HMCN2: variants seen among roughly 807,000 people sequenced by gnomAD.
HMCN2 encodes the protein hemicentin-2.
In HMCN2, 325 loss-of-function variants were observed where a neutral mutation model predicts 377.5. The observed-to-expected ratio is 0.86, with a 90% confidence interval of 0.79 to 0.94. The LOEUF is 0.94. Among genes scored for constraint, HMCN2 ranks in the 40% least tolerant of loss-of-function variants. The pLI, the probability that HMCN2 is intolerant of heterozygous loss-of-function variation, is 0.00. For missense variants in HMCN2, 4,543 were observed against 4,725.3 expected (o/e 0.96, Z 1.13); for synonymous variants, 2,007 against 2,046.8 (o/e 0.98, Z 0.53).
intron 93 of HMCN2, chr9:130,429,342 T>C (rs1844590903): frequency 1.6e-6 from 1 of 606,864 alleles, no homozygotes; most frequent in Non-Finnish European, 2.9e-6. Flanking sequence ...AAAGGGCCTT[T>C]CAGCCCCTTC....
At chr9:130,342,935 C>T (rs1251784133) in intron 25 of HMCN2, among the ~76,000 whole-genome samples, 1 of 152,126 alleles carries the variant, frequency 6.6e-6, no homozygotes, top group Non-Finnish European at 1.5e-5. Context: ...GGGTCAGCTG[C>T]CCAGCGCCGA....
chr9:130,382,663 T>G lies in HMCN2; in HGVS notation c.8546-16T>G. The G allele has an allele frequency of 7.3e-6, 2 of 272,988 alleles. No individual in the cohort carries two copies. The highest frequency in any genetic ancestry group is 9.3e-6 in the Non-Finnish European group (2 of 215,094). The allele number at this position is 272,988 out of a possible 1,614,324, so 16.9% of individuals were successfully genotyped here. ...GACCTGTGCCAGCCCCTCAGCCCCC[T>G]CTCCCCCACCCCCAGCCCCACCTGT... On this transcript the variant is annotated splice_polypyrimidine_tract_variant and intron_variant, in intron 55 of 97. Transcript: ENST00000683500.
rs782176109 is a variant in HMCN2, at chr9:130,281,889, C to CAA, written c.260-2695_260-2694dup. On this transcript the variant is annotated intron_variant, in intron 1 of 97. Transcript: ENST00000683500. Reference sequence around the variant, plus strand: ...TGGGTGACAGAGCAAGACTCCATCTCAAAAAAAAAAAAAAAAAAAAGACTT... The same window carrying CAA: ...TGGGTGACAGAGCAAGACTCCATCTCAAAAAAAAAAAAAAAAAAAAAAGACTT... Among the ~76,000 whole-genome samples the CAA allele has an allele frequency of 6.5e-3, 382 of 58,678 alleles. 5 individuals are homozygous for CAA. Among genetic ancestry groups the CAA allele is most frequent in the African/African-American group, 0.019 (283 of 14,992 alleles). 38.5% of individuals were successfully genotyped at this position (58,678 alleles called of 152,430 possible). A position where few individuals can be genotyped will look rare whatever the true frequency, so the allele number is the denominator to read the frequency against.
intron 23 of HMCN2, among the ~76,000 whole-genome samples, chr9:130,338,976 C>T (rs1046360729): frequency 0.06 from 9,085 of 152,202 alleles, 361 homozygotes; most frequent in Non-Finnish European, 0.087. Flanking sequence ...ATGGCTTGGG[C>T]CCAGAAGTTC....
At position 130,395,103 on chromosome 9, in the gene HMCN2, T is replaced by C. The variant is rs1467725633; in HGVS notation, c.10769T>C (p.Val3590Ala). 8.1e-7 allele frequency: 1 copy of C among 1,231,398 alleles called. No individual in the cohort carries two copies. Among genetic ancestry groups the C allele is most frequent in the South Asian group, 1.3e-5 (1 of 79,308 alleles). The allele number at this position is 1,231,398 out of a possible 1,614,324, so 76.3% of individuals were successfully genotyped here. Residue 3590 changes from valine (V) to alanine (A), a missense_variant, in exon 70 of 98, where the codon GTT (valine) becomes GCT (alanine). Coordinates refer to ENST00000683500, the MANE Select transcript of HMCN2 (RefSeq NM_001291815.2). ...ATTGAGAAGAGCTTCCGGGTCAGGGTTCAAGGTAGGTGGTGGGGGTGGGGT... is the reference window on the plus strand; with the variant it reads ...ATTGAGAAGAGCTTCCGGGTCAGGGCTCAAGGTAGGTGGTGGGGGTGGGGT... Reference protein sequence around the residue: ...GAIEKSFRVRVQAPPNIVGPR... With the variant: ...GAIEKSFRVRAQAPPNIVGPR...
intron 82 of HMCN2, 89 bp downstream of exon 82, chr9:130,406,257 G>A (rs1843088720): frequency 9.0e-7 from 1 of 1,108,542 alleles, no homozygotes. Context: ...CAACCTAGTG[G>A]AAAGGAAGAG....
chr9:130,422,775 C>A lies in HMCN2; in HGVS notation c.13381+49C>A, dbSNP rs1331706701. On this transcript the variant is annotated intron_variant, in intron 87 of 97. Transcript: ENST00000683500. The surrounding 1 kb of genome is among the most constrained non-coding windows in gnomAD (Gnocchi z 4.2). ...CTGCCTCTGGGTTATTGTCACAGCCCAGCGAGCATCCTCCAGAACATGCTG... is the reference window on the plus strand; with the variant it reads ...CTGCCTCTGGGTTATTGTCACAGCCAAGCGAGCATCCTCCAGAACATGCTG... The A allele has an allele frequency of 2.4e-6, 3 of 1,247,578 alleles. No individual in the cohort carries two copies. The highest frequency in any genetic ancestry group is 3.0e-6 in the Non-Finnish European group (3 of 987,396). The allele number at this position is 1,247,578 out of a possible 1,614,324, so 77.3% of individuals were successfully genotyped here.
chr9:130,275,787 G>T (rs1834658905), intron 1 of HMCN2, among the ~76,000 whole-genome samples: 1 of 152,156 alleles, frequency 6.6e-6, no homozygotes, highest in South Asian at 2.1e-4. Context: ...TCATGAAATA[G>T]AAACCATCAG....
intron 1 of HMCN2, among the ~76,000 whole-genome samples, chr9:130,281,378 A>G (rs1343444733): frequency 6.6e-6 from 1 of 152,032 alleles, no homozygotes; most frequent in Non-Finnish European, 1.5e-5. Context: ...AGTGTATCAC[A>G]TGAGTCCAAG....
At chr9:130,286,075 A>G (rs1835394771) in intron 3 of HMCN2, 113 bp from the exon 4 acceptor site, 1 of 413,302 alleles carries the variant, frequency 2.4e-6, no homozygotes, top group African/African-American at 2.1e-5. Flanking sequence ...TACATGTGAC[A>G]GACAGAGGAG....
chr9:130,364,364 G>C (rs956990683), intron 40 of HMCN2, among the ~76,000 whole-genome samples: 1 of 152,204 alleles, frequency 6.6e-6, no homozygotes, highest in African/African-American at 2.4e-5. Flanking sequence ...GGCAAAAGGT[G>C]GTTCTGAGAC....
At chr9:130,329,160 C>T (rs1838293401) in intron 22 of HMCN2, among the ~76,000 whole-genome samples, 1 of 152,220 alleles carries the variant, frequency 6.6e-6, no homozygotes, top group Non-Finnish European at 1.5e-5. Flanking sequence ...CCCCCCATTT[C>T]TGCTCCAGCC....
At chr9:130,375,299 A>C (rs939560622) in intron 49 of HMCN2, among the ~76,000 whole-genome samples, 4 of 152,170 alleles carry the variant, frequency 2.6e-5, no homozygotes, top group African/African-American at 9.7e-5. Context: ...GATGTTGAGA[A>C]GCTATGGGGA....
At chr9:130,424,324 G>A (rs1410127066) in intron 87 of HMCN2, among the ~76,000 whole-genome samples, 5 of 148,736 alleles carry the variant, frequency 3.4e-5, no homozygotes, top group South Asian at 2.2e-4. Flanking sequence ...GACTACAGAC[G>A]CCTGCCACGG....
Position 130,424,908 on chromosome 9 carries a change from C to G in HMCN2, c.13514C>G (p.Ala4505Gly). The G allele has an allele frequency of 2.1e-6, 3 of 1,461,098 alleles. No homozygotes were observed. The highest frequency in any genetic ancestry group is 2.7e-6 in the Non-Finnish European group (3 of 1,100,774). The allele number at this position is 1,461,098 out of a possible 1,614,324, so 90.5% of individuals were successfully genotyped here. A position where few individuals can be genotyped will look rare whatever the true frequency, so the allele number is the denominator to read the frequency against. The change falls in exon 88 of 98, where the codon GCT becomes GGT. Residue 4505 changes from alanine (A) to glycine (G), a missense_variant. By Grantham distance (60) the Ala-to-Gly change is moderately conservative. Coordinates refer to ENST00000683500, the MANE Select transcript of HMCN2 (RefSeq NM_001291815.2). ...RFRQESHVEF[A>G]TGELLTMTQV... ...CGGCAGGAGTCACACGTGGAGTTTG[C>G]TACAGGTAAACAGGGCCTCCCCCAG...
At chr9:130,348,922 C>T (rs1303602178) in intron 27 of HMCN2, 62 bp from the exon 28 acceptor site, 3 of 1,274,132 alleles carry the variant, frequency 2.4e-6, no homozygotes, top group Non-Finnish European at 3.1e-6. Context: ...TTCCTCATTA[C>T]TGATGCTGGG....
chr9:130,408,019 T>A (rs10736863), intron 83 of HMCN2, among the ~76,000 whole-genome samples: 110,530 of 152,120 alleles, frequency 0.73, 41,020 homozygotes, highest in Non-Finnish European at 0.82. Context: ...GTGCCAGGGT[T>A]GGAGGAGAGC....
chr9:130,424,869 C>G lies in HMCN2; in HGVS notation c.13475C>G (p.Thr4492Ser). ...GAAGCCCTGAATGGCCACTCTCTGA[C>G]TGGGGGCAGGTTCCGGCAGGAGTCA... is the stretch of plus-strand genomic sequence containing the variant. ...SGEALNGHSL[T>S]GGRFRQESHV... Residue 4492 changes from threonine to serine, a missense_variant, in exon 88 of 98, where the codon ACT becomes AGT. Thr to Ser is a moderately conservative substitution (Grantham distance 58). Around this residue, in one of 5 missense-constraint regions of HMCN2, gnomAD observed 1,155 missense variants for 1,157.7 expected, o/e 1.00. Transcript: ENST00000683500. The G allele has an allele frequency of 6.8e-7, 1 of 1,465,004 alleles. No homozygotes were observed. The highest frequency in any genetic ancestry group is 2.5e-5 in the East Asian group (1 of 39,876). The allele number at this position is 1,465,004 out of a possible 1,614,324, so 90.8% of individuals were successfully genotyped here. A position where few individuals can be genotyped will look rare whatever the true frequency, so the allele number is the denominator to read the frequency against.
intron 1 of HMCN2, among the ~76,000 whole-genome samples, chr9:130,277,833 C>G (rs1554923751): frequency 1.2e-4 from 1 of 8,604 alleles, no homozygotes; most frequent in Non-Finnish European, 2.1e-4. Context: ...TCACCACCAC[C>G]ATCATCATCA....
Sources: allele counts gnomAD v4.1 joint callset (sites outside exome capture counted in the v4.1 genomes callset), GRCh38; gene constraint gnomAD v4.1.1; regional missense constraint gnomAD v4.1.1; non-coding constraint Gnocchi (gnomAD v3.1); transcripts MANE v1.5; gene names NCBI Gene and HGNC (gene_info 2026-07-23, HGNC 2026-07-21).